Variants in ASTN2 observed in about 807,000 individuals in gnomAD.
ASTN2 encodes the protein astrotactin 2.
Under a neutral mutation model 139.8 loss-of-function variants are expected in ASTN2, and 54 were observed. The observed-to-expected ratio is 0.39, with a 90% CI of 0.31 to 0.48. ASTN2 has a LOEUF of 0.48. Ranked by LOEUF, ASTN2 falls within the 20% of genes least tolerant of loss-of-function variation. The pLI, the probability that ASTN2 is intolerant of heterozygous loss-of-function variation, is 0.95. For synonymous variants in ASTN2, 756 were observed against 719.5 expected (o/e 1.05, Z -0.81); for missense variants, 1,565 against 1,725.1 (o/e 0.91, Z 1.64).
chr9:117,395,791 A>G (rs995566402), intron 1 of ASTN2, among the ~76,000 whole-genome samples: 2 of 152,250 alleles, frequency 1.3e-5, no homozygotes, highest in Non-Finnish European at 2.9e-5. Flanking sequence ...GGTGAGGGCA[A>G]AAAGGACTTG....
chr9:116,606,983 A>G (rs1335308980), intron 19 of ASTN2, among the ~76,000 whole-genome samples: 1 of 152,202 alleles, frequency 6.6e-6, no homozygotes, highest in African/African-American at 2.4e-5. Context: ...AGAAATTTCA[A>G]TTTAAGCCAA....
intron 1 of ASTN2, among the ~76,000 whole-genome samples, chr9:117,379,155 G>C (rs1350160818): frequency 6.6e-6 from 1 of 152,014 alleles, no homozygotes; most frequent in African/African-American, 2.4e-5. Flanking sequence ...CAGCCTTTGG[G>C]GTACTTCTTT....
intron 11 of ASTN2, among the ~76,000 whole-genome samples, chr9:116,833,112 A>G (rs1831869706): frequency 6.6e-6 from 1 of 152,024 alleles, no homozygotes; most frequent in Non-Finnish European, 1.5e-5. Flanking sequence ...AAAATTATCT[A>G]TTTCATATTG....
chr9:117,041,960 A>T (rs1423833491), intron 5 of ASTN2, among the ~76,000 whole-genome samples: 1 of 152,142 alleles, frequency 6.6e-6, no homozygotes, highest in Non-Finnish European at 1.5e-5. Flanking sequence ...TATTCCAAAC[A>T]CTAGAGTCTA....
At chr9:117,241,743 G>T (rs1396825093) in intron 2 of ASTN2, among the ~76,000 whole-genome samples, 2 of 152,094 alleles carry the variant, frequency 1.3e-5, no homozygotes, top group African/African-American at 4.8e-5. Flanking sequence ...TGGGTTTGGG[G>T]ACCACTTCTG....
At chr9:116,890,554 TA>T (rs747330021) in intron 10 of ASTN2, among the ~76,000 whole-genome samples, 8 of 152,200 alleles carry the variant, frequency 5.3e-5, no homozygotes, top group Non-Finnish European at 1.0e-4. Flanking sequence ...TACATAGCTG[TA>T]AAATGATCTT....
chr9:116,450,419 T>G (rs1467744133), intron 20 of ASTN2, among the ~76,000 whole-genome samples: 3 of 152,220 alleles, frequency 2.0e-5, no homozygotes. Flanking sequence ...CATTCCTATT[T>G]TACAGTTAGG....
At chr9:117,301,839 T>C (rs928234220) in intron 1 of ASTN2, among the ~76,000 whole-genome samples, 14 of 152,174 alleles carry the variant, frequency 9.2e-5, no homozygotes, top group Admixed American at 2.6e-4. Flanking sequence ...CCTTCCTATA[T>C]TTCACTGGGT....
At chr9:116,817,983 T>TC (rs1361185341) in intron 12 of ASTN2, among the ~76,000 whole-genome samples, 6 of 152,144 alleles carry the variant, frequency 3.9e-5, no homozygotes. Context: ...AATACCTAAG[T>TC]TTCAATCTCA....
At chr9:116,605,652 C>G (rs1453706865) in intron 19 of ASTN2, among the ~76,000 whole-genome samples, 1 of 152,036 alleles carries the variant, frequency 6.6e-6, no homozygotes, top group Non-Finnish European at 1.5e-5. Flanking sequence ...GTTTATCAGA[C>G]AAAGAAGTGG....
At chr9:116,494,772 A>G (rs1849619863) in intron 19 of ASTN2, among the ~76,000 whole-genome samples, 1 of 152,202 alleles carries the variant, frequency 6.6e-6, no homozygotes, top group Non-Finnish European at 1.5e-5. Context: ...TCTCACAAAA[A>G]TCTACCTAGG....
intron 19 of ASTN2, among the ~76,000 whole-genome samples, chr9:116,491,828 T>C (rs1188755642): frequency 1.3e-5 from 2 of 152,192 alleles, no homozygotes; most frequent in African/African-American, 4.8e-5. Context: ...TACAATTGAA[T>C]GAGCAATAAT....
intron 13 of ASTN2, among the ~76,000 whole-genome samples, chr9:116,769,163 A>G (rs1215184957): frequency 1.3e-5 from 2 of 152,226 alleles, no homozygotes; most frequent in Non-Finnish European, 2.9e-5. Context: ...GGAAGTATCT[A>G]AAGAGGCAAA....
intron 1 of ASTN2, among the ~76,000 whole-genome samples, chr9:117,312,932 C>T (rs969540559): frequency 2.0e-5 from 3 of 152,182 alleles, no homozygotes; most frequent in African/African-American, 7.2e-5. Flanking sequence ...CCCTGCCTGT[C>T]TCAGTGATAT....
intron 13 of ASTN2, among the ~76,000 whole-genome samples, chr9:116,739,569 C>T (rs1012559635): frequency 6.6e-6 from 1 of 152,252 alleles, no homozygotes; most frequent in Non-Finnish European, 1.5e-5. Flanking sequence ...CCTTTGAGAA[C>T]TCTCGCTGGA....
intron 19 of ASTN2, among the ~76,000 whole-genome samples, chr9:116,609,714 A>G (rs1855431378): frequency 6.6e-6 from 1 of 152,044 alleles, no homozygotes; most frequent in African/African-American, 2.4e-5. Context: ...CATTTATGCT[A>G]TTACTTAAAT....
chr9:116,889,687 A>C (rs1833709625), intron 10 of ASTN2, among the ~76,000 whole-genome samples: 1 of 151,248 alleles, frequency 6.6e-6, no homozygotes, highest in Non-Finnish European at 1.5e-5. Flanking sequence ...GGAGTTTAAG[A>C]CCAGCCTGGG....
chr9:117,055,937 C>T (rs757598281), intron 5 of ASTN2, among the ~76,000 whole-genome samples: 12 of 152,242 alleles, frequency 7.9e-5, no homozygotes, highest in Non-Finnish European at 1.3e-4. Flanking sequence ...CTCACACTCT[C>T]TTTGGCTCTT....
At chr9:116,454,673 AT>A (rs1197472024) in intron 20 of ASTN2, among the ~76,000 whole-genome samples, 3 of 152,218 alleles carry the variant, frequency 2.0e-5, no homozygotes, top group African/African-American at 7.2e-5. Context: ...GATTAAGAAA[AT>A]GTGGCACATA....
Sources: gnomAD v4.1 joint callset for allele counts (sites outside exome capture counted in the v4.1 genomes callset) on GRCh38, gnomAD v4.1.1 for gene constraint, MANE v1.5 for transcripts, NCBI Gene and HGNC (gene_info 2026-07-23, HGNC 2026-07-21) for gene names.